The following ATRNL1 variants were observed in gnomAD, a reference collection of about 807,000 sequenced individuals.
ATRNL1 encodes the protein attractin-like protein 1.
ATRNL1 carries 95 observed loss-of-function variants against 182.7 expected under a neutral mutation model. The observed-to-expected ratio is 0.52, with a 90% CI of 0.44 to 0.62. ATRNL1 has a LOEUF of 0.62. Ranked by LOEUF, ATRNL1 falls within the 20% of genes least tolerant of loss-of-function variation. ATRNL1 has a pLI of 0.00. For synonymous variants in ATRNL1, 576 were observed against 568.3 expected (o/e 1.01, Z -0.19); for missense variants, 1,471 against 1,679.5 (o/e 0.88, Z 2.17).
intron 13 of ATRNL1, among the ~76,000 whole-genome samples, chr10:115,281,046 A>T (rs1264433286): frequency 6.6e-6 from 1 of 152,212 alleles, no homozygotes; most frequent in Admixed American, 6.5e-5. Context: ...CCATTGAAAC[A>T]TATGCCTCTA....
intron 19 of ATRNL1, among the ~76,000 whole-genome samples, chr10:115,390,494 T>A (rs1174133454): frequency 6.6e-6 from 1 of 152,200 alleles, no homozygotes; most frequent in Non-Finnish European, 1.5e-5. Flanking sequence ...AGATTGTCAG[T>A]GCTTGAGTTT....
At chr10:115,345,902 T>C (rs1855954058) in intron 19 of ATRNL1, among the ~76,000 whole-genome samples, 1 of 152,208 alleles carries the variant, frequency 6.6e-6, no homozygotes, top group Non-Finnish European at 1.5e-5. Flanking sequence ...TTGATGTTCA[T>C]TCTCATTGTA....
intron 10 of ATRNL1, among the ~76,000 whole-genome samples, chr10:115,243,609 G>C (rs1471587342): frequency 1.3e-5 from 2 of 152,030 alleles, no homozygotes; most frequent in African/African-American, 4.8e-5. Flanking sequence ...ACTACATCAT[G>C]CTGATTAGTT....
chr10:115,498,632 C>A (rs948405798), intron 24 of ATRNL1, among the ~76,000 whole-genome samples: 17 of 151,746 alleles, frequency 1.1e-4, no homozygotes, highest in South Asian at 2.1e-4. Flanking sequence ...TAGCAACTAT[C>A]TCTTAAAAAT....
At chr10:115,671,442 TA>T (rs1225325746) in intron 26 of ATRNL1, among the ~76,000 whole-genome samples, 2 of 152,274 alleles carry the variant, frequency 1.3e-5, no homozygotes, top group African/African-American at 4.8e-5. Context: ...AAATATTTGA[TA>T]TTTTTAACTA....
chr10:115,590,796 A>G (rs1388474974), intron 26 of ATRNL1, among the ~76,000 whole-genome samples: 1 of 152,196 alleles, frequency 6.6e-6, no homozygotes, highest in African/African-American at 2.4e-5. Flanking sequence ...GCAAATAGAA[A>G]GATGGACACA....
At chr10:115,873,828 A>T (rs1951639218) in intron 28 of ATRNL1, among the ~76,000 whole-genome samples, 2 of 152,202 alleles carry the variant, frequency 1.3e-5, no homozygotes, top group African/African-American at 4.8e-5. Context: ...TTATTGAGTG[A>T]CTTTATTAAT....
Position 115,935,516 on chromosome 10 carries a change from G to A in ATRNL1, c.4019-9142G>A, listed in dbSNP as rs535354546. 1.3e-3 allele frequency among the ~76,000 whole-genome samples: 197 copies of A among 152,058 alleles called. 1 individual carries two copies. The highest frequency in any genetic ancestry group is 4.5e-3 in the African/African-American group (188 of 41,488). ...TGGGAGACATTTGCACCAAAGTAGCGGCTTCCTTCTTATGGCTGCAAATGA... is the reference window on the plus strand; with the variant it reads ...TGGGAGACATTTGCACCAAAGTAGCAGCTTCCTTCTTATGGCTGCAAATGA... On this transcript the variant is annotated intron_variant, in intron 28 of 28. Coordinates refer to ENST00000355044, the MANE Select transcript of ATRNL1 (RefSeq NM_207303.4).
At chr10:115,151,009 A>T (rs962601428) in intron 5 of ATRNL1, among the ~76,000 whole-genome samples, 2 of 152,146 alleles carry the variant, frequency 1.3e-5, no homozygotes, top group Non-Finnish European at 2.9e-5. Flanking sequence ...GCTGAGAATG[A>T]TGGTTTCCAG....
At chr10:115,583,793 T>G (rs1374652070) in intron 26 of ATRNL1, among the ~76,000 whole-genome samples, 4 of 150,686 alleles carry the variant, frequency 2.7e-5, no homozygotes, top group Admixed American at 6.6e-5. Context: ...CTATGTTGAA[T>G]AGGAGTGGTG....
At chr10:115,800,655 G>A (rs1949770792) in intron 27 of ATRNL1, among the ~76,000 whole-genome samples, 1 of 152,148 alleles carries the variant, frequency 6.6e-6, no homozygotes, top group African/African-American at 2.4e-5. Context: ...GAAATGCATA[G>A]CTTGAAGCCC....
chr10:115,331,693 G>C (rs1406349725), intron 18 of ATRNL1, among the ~76,000 whole-genome samples: 1 of 151,114 alleles, frequency 6.6e-6, no homozygotes, highest in South Asian at 2.1e-4. Flanking sequence ...TTTGCAGTCT[G>C]GATTTGTTTG....
intron 27 of ATRNL1, among the ~76,000 whole-genome samples, chr10:115,800,744 T>TTCTC (rs1409382137): frequency 3.3e-5 from 5 of 152,132 alleles, no homozygotes; most frequent in African/African-American, 1.2e-4. Flanking sequence ...AGGGTGAGTT[T>TTCTC]TCTCTCTCTC....
At chr10:115,527,876 CTCCCTCCCTCCT>C (rs1851311523) in intron 25 of ATRNL1, among the ~76,000 whole-genome samples, 1 of 100,716 alleles carries the variant, frequency 9.9e-6, no homozygotes, top group Non-Finnish European at 2.1e-5. Context: ...CTTTCCTTCC[CTCCCTCCCTCCT>C]TCCCTCCCTT....
chr10:115,321,959 C>T (rs1554931661), intron 18 of ATRNL1, among the ~76,000 whole-genome samples: 1 of 151,946 alleles, frequency 6.6e-6, no homozygotes, highest in African/African-American at 2.4e-5. Context: ...GTAGCATTTT[C>T]ATACATGAAC....
intron 18 of ATRNL1, among the ~76,000 whole-genome samples, chr10:115,330,129 T>C (rs999580368): frequency 1.2e-4 from 18 of 152,166 alleles, no homozygotes. Flanking sequence ...AAGTTAATTT[T>C]GGTCGGAAGA....
intron 27 of ATRNL1, among the ~76,000 whole-genome samples, chr10:115,844,108 A>G (rs565380386): frequency 6.6e-6 from 1 of 152,222 alleles, no homozygotes; most frequent in South Asian, 2.1e-4. Context: ...TTAGTTTACA[A>G]GTTCTGCTTT....
intron 25 of ATRNL1, among the ~76,000 whole-genome samples, chr10:115,533,299 A>G (rs2133755168): frequency 6.6e-6 from 1 of 152,222 alleles, no homozygotes; most frequent in South Asian, 2.1e-4. Context: ...TGGTCTATTC[A>G]GAGATTCAAC....
At chr10:115,272,481 T>G (rs1476595670) in intron 13 of ATRNL1, among the ~76,000 whole-genome samples, 1 of 152,162 alleles carries the variant, frequency 6.6e-6, no homozygotes, top group Non-Finnish European at 1.5e-5. Flanking sequence ...TGTTGTGTTT[T>G]CTGGAAAAAA....
Sources: allele counts gnomAD v4.1 joint callset (sites outside exome capture counted in the v4.1 genomes callset), GRCh38; gene constraint gnomAD v4.1.1; transcripts MANE v1.5; gene names NCBI Gene and HGNC (gene_info 2026-07-23, HGNC 2026-07-21).